KSR1: variants seen among roughly 807,000 people sequenced by gnomAD.
KSR1 encodes kinase suppressor of ras 1.
In KSR1, 35 loss-of-function variants were observed where a neutral mutation model predicts 92.9. The observed-to-expected ratio is 0.38, with a 90% CI of 0.29 to 0.50. The LOEUF is 0.50. Ranked by LOEUF, KSR1 falls within the 20% of genes least tolerant of loss-of-function variation. The probability of loss-of-function intolerance (pLI) is 0.94; values close to 1 mark genes in which losing one functional copy is unlikely to be tolerated. For synonymous variants in KSR1, 467 were observed against 472.6 expected (o/e 0.99, Z 0.15); for missense variants, 972 against 1,158.5 (o/e 0.84, Z 2.34).
chr17:27,577,441 C>A lies in KSR1; in HGVS notation c.373-51C>A. ...GGCCAGCCTGAGGCTGAGGGGCTCC[C>A]GGCCCAGCCGACTGCTCACCGCCTC... On this transcript the variant is annotated intron_variant, in intron 2 of 20. Transcript: ENST00000644974. The surrounding 1 kb of genome is among the most constrained non-coding windows in gnomAD (Gnocchi z 4.5). 1 of 1,208,500 alleles carries A rather than the reference C, an allele frequency of 8.3e-7. No homozygotes were observed. Among genetic ancestry groups the A allele is most frequent in the Non-Finnish European group, 1.2e-6 (1 of 853,292 alleles). The allele number at this position is 1,208,500 out of a possible 1,614,324, so 74.9% of individuals were successfully genotyped here.
At chr17:27,466,144 G>A (rs1320562711) in intron 1 of KSR1, among the ~76,000 whole-genome samples, 2 of 152,248 alleles carry the variant, frequency 1.3e-5, no homozygotes, top group Non-Finnish European at 2.9e-5. Flanking sequence ...TCCACTGAAC[G>A]TAGTTGGGGA....
chr17:27,621,852 C>A, intron 20 of KSR1: 1 of 1,488,436 alleles, frequency 6.7e-7, no homozygotes, highest in Non-Finnish European at 9.4e-7. Flanking sequence ...CTGGCCAGAC[C>A]TCTAGCTCCC....
chr17:27,601,971 ATTGAG>A (rs1567876414), intron 11 of KSR1: 2 of 1,585,494 alleles, frequency 1.3e-6, no homozygotes, highest in Non-Finnish European at 1.7e-6. Context: ...AAGTCAATAC[ATTGAG>A]TCCCTTCTGC....
chr17:27,484,712 G>A (rs1394613507), intron 1 of KSR1, among the ~76,000 whole-genome samples: 1 of 152,150 alleles, frequency 6.6e-6, no homozygotes, highest in Non-Finnish European at 1.5e-5. Flanking sequence ...GCACAGAGAG[G>A]GAAACAGCCT....
intron 8 of KSR1, 23 bp downstream of exon 8, chr17:27,592,445 C>G (rs747959342): frequency 6.2e-7 from 1 of 1,613,574 alleles, no homozygotes; most frequent in South Asian, 1.1e-5. Flanking sequence ...CCTTCCTCTC[C>G]TCTGCCTTCT....
intron 1 of KSR1, among the ~76,000 whole-genome samples, chr17:27,523,385 TAA>T (rs11429386): frequency 4.9e-4 from 70 of 144,316 alleles, no homozygotes; most frequent in Middle Eastern, 3.6e-3. Context: ...TCTGTAAGGT[TAA>T]AAAAAAAAAA....
chr17:27,592,405 G>T lies in KSR1; in HGVS notation c.1175G>T (p.Arg392Ile). 6.2e-7 allele frequency: 1 copy of T among 1,613,922 alleles called. No homozygotes were observed. The highest frequency in any genetic ancestry group is 1.3e-5 in the African/African-American group (1 of 75,044). ...NKCTKEAPAC[R>I]ISFLPLTRLR... ...TGTACCAAAGAAGCCCCTGCCTGTA[G>T]AATATCCTTCCTGCCACGTGAGTTT... The change falls in exon 8 of 21, where the codon AGA (arginine) becomes ATA (isoleucine). Residue 392 changes from arginine to isoleucine, a missense_variant. Physicochemically the swap from Arg to Ile is moderately conservative, Grantham distance 97. Coordinates refer to ENST00000644974, the MANE Select transcript of KSR1 (RefSeq NM_001394583.1).
At chr17:27,611,656 C>T (rs750492403) in intron 18 of KSR1, 27 bp downstream of exon 18, 2 of 1,613,058 alleles carry the variant, frequency 1.2e-6, no homozygotes. Flanking sequence ...CTGGGTGGAG[C>T]AGTAGGGCTG....
At chr17:27,553,835 C>G (rs2071492210) in intron 2 of KSR1, among the ~76,000 whole-genome samples, 1 of 152,230 alleles carries the variant, frequency 6.6e-6, no homozygotes, top group South Asian at 2.1e-4. Flanking sequence ...TACCTTGGTT[C>G]AGTTCTACCT....
intron 3 of KSR1, among the ~76,000 whole-genome samples, chr17:27,580,484 A>G (rs940431584): frequency 1.3e-5 from 2 of 152,160 alleles, no homozygotes; most frequent in South Asian, 4.1e-4. Flanking sequence ...TGGCTTGACC[A>G]CCTCTGATGG....
At chr17:27,534,080 T>G (rs1406342781) in intron 1 of KSR1, among the ~76,000 whole-genome samples, 1 of 152,234 alleles carries the variant, frequency 6.6e-6, no homozygotes, top group Non-Finnish European at 1.5e-5. Context: ...GTGTGCATCT[T>G]GTTACCCATC....
intron 1 of KSR1, among the ~76,000 whole-genome samples, chr17:27,490,105 C>T (rs2068777530): frequency 6.6e-6 from 1 of 152,204 alleles, no homozygotes; most frequent in Admixed American, 6.5e-5. Context: ...AGGTCCATTC[C>T]TCTCTACCTG....
intron 20 of KSR1, 198 bp from the exon 21 acceptor site, chr17:27,623,116 T>C: frequency 1.6e-6 from 1 of 611,010 alleles, no homozygotes; most frequent in Non-Finnish European, 2.9e-6. Flanking sequence ...CTGCTCCAAG[T>C]AGGACTACTT....
chr17:27,513,792 G>A (rs72847758), intron 1 of KSR1, among the ~76,000 whole-genome samples: 3,326 of 152,288 alleles, frequency 0.022, 52 homozygotes, highest in Non-Finnish European at 0.032. Flanking sequence ...AGCCAGTGTC[G>A]GGGGCTGGTG....
intron 2 of KSR1, chr17:27,557,958 T>G (rs1313822717): frequency 6.5e-6 from 1 of 152,690 alleles, no homozygotes; most frequent in Middle Eastern, 3.2e-3. Flanking sequence ...TTTTTACTCC[T>G]GTATTCTGTG....
intron 3 of KSR1, among the ~76,000 whole-genome samples, chr17:27,580,869 C>T (rs979913113): frequency 1.3e-5 from 2 of 152,106 alleles, no homozygotes; most frequent in African/African-American, 4.8e-5. Flanking sequence ...CGGGTTCAAG[C>T]GATTCTTGTG....
chr17:27,605,527 A>G lies in KSR1; in HGVS notation c.1708A>G (p.Ile570Val). ...PSSRRPWRGPISRKASQTSVY... is the reference protein window; with the variant it reads ...PSSRRPWRGPVSRKASQTSVY... Reference sequence around the variant, plus strand: ...CTCTCGCCGGCCCTGGCGGGGCCCCATCTCTCGCAAGGCCAGCCAGACCAG... The same window carrying G: ...CTCTCGCCGGCCCTGGCGGGGCCCCGTCTCTCGCAAGGCCAGCCAGACCAG... The change falls in exon 14 of 21, where the codon ATC becomes GTC. Residue 570 changes from isoleucine to valine, a missense_variant. Physicochemically the swap from Ile to Val is conservative, Grantham distance 29. Transcript: ENST00000644974. 5 of 1,597,358 alleles carry G rather than the reference A, an allele frequency of 3.1e-6. No homozygotes were observed. The highest frequency in any genetic ancestry group is 4.3e-6 in the Non-Finnish European group (5 of 1,172,938).
intron 2 of KSR1, among the ~76,000 whole-genome samples, chr17:27,567,899 C>T (rs2072149466): frequency 6.6e-6 from 1 of 152,196 alleles, no homozygotes; most frequent in African/African-American, 2.4e-5. Context: ...TAGATTGTCC[C>T]TAAGTTCCCT....
chr17:27,504,739 G>A (rs1405007835), intron 1 of KSR1, among the ~76,000 whole-genome samples: 2 of 152,204 alleles, frequency 1.3e-5, no homozygotes, highest in South Asian at 2.1e-4. Context: ...TGAGTAGCAC[G>A]TGCCCTTGGG....
Sources: gnomAD v4.1 joint callset for allele counts (sites outside exome capture counted in the v4.1 genomes callset) on GRCh38, gnomAD v4.1.1 for gene constraint, Gnocchi (gnomAD v3.1) non-coding constraint, MANE v1.5 for transcripts, NCBI Gene and HGNC (gene_info 2026-07-23, HGNC 2026-07-21) for gene names.